The following STK36 variants were observed in gnomAD, a reference collection of about 807,000 sequenced individuals.
STK36 encodes the protein serine/threonine kinase 36.
STK36 carries 116 observed loss-of-function variants against 142.2 expected under a neutral mutation model. That is an observed-to-expected ratio of 0.82 (90% CI 0.70 to 0.95). The LOEUF is 0.95. STK36 is among the 40% of genes least tolerant of loss of function. STK36 has a pLI of 0.00. For missense variants in STK36, 1,422 were observed against 1,617.2 expected, an observed-to-expected ratio of 0.88 and a Z score of 2.07; for synonymous variants, 619 against 641.7, an observed-to-expected ratio of 0.96 and a Z score of 0.53.
chr2:218,691,741 A>G (rs910182097), intron 14 of STK36, among the ~76,000 whole-genome samples: 4 of 152,084 alleles, frequency 2.6e-5, no homozygotes, highest in African/African-American at 9.7e-5. Flanking sequence ...GATTTTTAGT[A>G]GAGACAGGGT....
Position 218,673,762 on chromosome 2 carries a change from A to G in STK36, c.222A>G (p.Lys74=). ...TGCTTGACAGCTTTGAAACTGATAAAGAGGTGTGCTTTGACAGTTTTGGGC... is the reference window on the plus strand; with the variant it reads ...TGCTTGACAGCTTTGAAACTGATAAGGAGGTGTGCTTTGACAGTTTTGGGC... ...VHMLDSFETD[K]EVVVVTDYAE... Residue 74 remains lysine, a synonymous_variant, in exon 3 of 27, where the codon AAA becomes AAG. Transcript: ENST00000295709. 6.2e-7 allele frequency: 1 copy of G among 1,613,978 alleles called. No homozygotes were observed. The highest frequency in any genetic ancestry group is 8.5e-7 in the Non-Finnish European group (1 of 1,179,912).
chr2:218,692,443 G>A, intron 15 of STK36, 140 bp from the exon 16 acceptor site: 1 of 1,490,914 alleles, frequency 6.7e-7, no homozygotes. Context: ...GGGGATCTGA[G>A]GGAAACAAAC....
chr2:218,695,088 C>T (rs761980919), intron 21 of STK36, among the ~76,000 whole-genome samples: 1 of 152,142 alleles, frequency 6.6e-6, no homozygotes, highest in African/African-American at 2.4e-5. Flanking sequence ...GGAACTCAGT[C>T]CATTATGTAG....
At chr2:218,682,591 A>T (rs905960265) in intron 10 of STK36, among the ~76,000 whole-genome samples, 4 of 151,420 alleles carry the variant, frequency 2.6e-5, no homozygotes, top group African/African-American at 9.7e-5. Context: ...ACCTTGCTTT[A>T]TTTATTTATT....
intron 7 of STK36, 115 bp downstream of exon 7, chr2:218,679,376 G>C: frequency 2.3e-6 from 3 of 1,296,110 alleles, no homozygotes; most frequent in Non-Finnish European, 3.3e-6. Context: ...CCAGCAGCTT[G>C]AACTTTCTTC....
intron 7 of STK36, 40 bp downstream of exon 7, chr2:218,679,301 T>C: frequency 6.3e-7 from 1 of 1,578,060 alleles, no homozygotes; most frequent in Non-Finnish European, 8.7e-7. Flanking sequence ...GACTTCCCAG[T>C]ACTTCCTCTA....
chr2:218,692,547 CA>C (rs1559340961), intron 15 of STK36, 35 bp from the exon 16 acceptor site: 1 of 1,590,976 alleles, frequency 6.3e-7, no homozygotes, highest in Non-Finnish European at 8.5e-7. Flanking sequence ...GCAAGAGCCT[CA>C]GGCCTTTGGA....
chr2:218,689,819 C>T (rs1446656235), intron 12 of STK36, 40 bp from the exon 13 acceptor site: 1 of 1,561,262 alleles, frequency 6.4e-7, no homozygotes, highest in Admixed American at 1.8e-5. Context: ...TGTTTCCATC[C>T]TTCACATTGC....
chr2:218,681,274 C>T (rs1485629019), intron 10 of STK36, among the ~76,000 whole-genome samples: 1 of 151,902 alleles, frequency 6.6e-6, no homozygotes. Context: ...TTACAGGTGC[C>T]CACCACCACA....
At chr2:218,699,919 T>G (rs889796843) in intron 26 of STK36, among the ~76,000 whole-genome samples, 1 of 151,990 alleles carries the variant, frequency 6.6e-6, no homozygotes, top group Admixed American at 6.6e-5. Flanking sequence ...TGCGCAACTT[T>G]CTTTTTCCTT....
Position 218,692,670 on chromosome 2 carries a change from C to G in STK36, c.2003C>G (p.Ala668Gly), listed in dbSNP as rs759376696. ...TCTGCCCTGGCAGCCATATGCACTG[C>G]TCCTGTGGGACTGCCCGACTGCTGG... Reference protein sequence around the residue: ...ISSALAAICTAPVGLPDCWDA... With the variant: ...ISSALAAICTGPVGLPDCWDA... Residue 668 changes from alanine to glycine, a missense_variant, in exon 16 of 27, where the codon GCT becomes GGT. Physicochemically the swap from Ala to Gly is moderately conservative, Grantham distance 60. Transcript: ENST00000295709. The G allele has an allele frequency of 1.2e-6, 2 of 1,613,580 alleles. No individual in the cohort carries two copies. The highest frequency in any genetic ancestry group is 1.3e-5 in the African/African-American group (1 of 75,070).
At chr2:218,697,015 G>T (rs199700551) in intron 22 of STK36, 24 bp from the exon 23 acceptor site, 51 of 1,612,096 alleles carry the variant, frequency 3.2e-5, no homozygotes, top group Non-Finnish European at 4.3e-5. Context: ...CTTTCCCCCC[G>T]CCCTCTTTCA....
chr2:218,698,767 C>A lies in STK36; in HGVS notation c.3223C>A (p.Pro1075Thr), dbSNP rs1466993939. The A allele has an allele frequency of 6.2e-7, 1 of 1,614,074 alleles. No individual in the cohort carries two copies. The highest frequency in any genetic ancestry group is 8.5e-7 in the Non-Finnish European group (1 of 1,180,048). ...FLSVALLSDQ[P>T]LLTSDLLSLL... Reference sequence around the variant, plus strand: ...CTCAGTTGCCCTCCTGAGTGACCAGCCACTGTTGACCTCCGACCTTCTCTC... The same window carrying A: ...CTCAGTTGCCCTCCTGAGTGACCAGACACTGTTGACCTCCGACCTTCTCTC... Residue 1075 changes from proline to threonine, a missense_variant, in exon 26 of 27, where the codon CCA (proline) becomes ACA (threonine). Pro to Thr is a conservative substitution (Grantham distance 38). Transcript: ENST00000295709.
At chr2:218,693,127 A>G (rs1941078843) in intron 16 of STK36, 113 bp from the exon 17 acceptor site, 2 of 873,742 alleles carry the variant, frequency 2.3e-6, no homozygotes. Context: ...TTTCTGGTGA[A>G]TGTGGGAAGA....
chr2:218,688,730 A>C lies in STK36; in HGVS notation c.1414A>C (p.Ile472Leu). 6.2e-7 allele frequency: 1 copy of C among 1,613,898 alleles called. No individual in the cohort carries two copies. Among genetic ancestry groups the C allele is most frequent in the South Asian group, 1.1e-5 (1 of 91,062 alleles). The change falls in exon 12 of 27, where the codon ATC becomes CTC. Residue 472 changes from isoleucine to leucine, a missense_variant. Ile to Leu is a conservative substitution (Grantham distance 5). Coordinates refer to ENST00000295709, the MANE Select transcript of STK36 (RefSeq NM_015690.5). The part of the protein sequence containing the change: ...LKGILEGASH[I>L]LPAFRVLSSL... ...AGGCATCTTGGAGGGTGCTTCCCAC[A>C]TCCTGCCTGCATTCCGGGTCCTGAG...
chr2:218,700,184 G>A (rs1396913509), intron 26 of STK36, among the ~76,000 whole-genome samples: 1 of 151,862 alleles, frequency 6.6e-6, no homozygotes, highest in Non-Finnish European at 1.5e-5. Flanking sequence ...GCCTCCCAGA[G>A]TGCTGGGATT....
intron 26 of STK36, among the ~76,000 whole-genome samples, chr2:218,701,141 T>TG (rs1941426455): frequency 1.3e-5 from 2 of 151,328 alleles, no homozygotes. Flanking sequence ...AAGATCTTTT[T>TG]TTTTTTTTTG....
Position 218,689,942 on chromosome 2 carries a change from C to T in STK36, c.1644C>T (p.Ser548=), listed in dbSNP as rs1456590100. 6.3e-7 allele frequency: 1 copy of T among 1,593,364 alleles called. No homozygotes were observed. ...YFACTFNLER[S]QTSDSLQVFQ... is the part of the protein sequence containing the mutation. The stretch of plus-strand genomic sequence containing the variant: ...CCTGTACCTTCAATCTGGAGAGGAG[C>T]CAGACAAGTGACAGGTAGGATAAGA... Residue 548 remains serine, a synonymous_variant, in exon 13 of 27, where the codon AGC becomes AGT. Coordinates refer to ENST00000295709, the MANE Select transcript of STK36 (RefSeq NM_015690.5).
intron 5 of STK36, 31 bp from the exon 6 acceptor site, chr2:218,675,998 C>T: frequency 2.5e-6 from 4 of 1,610,192 alleles, no homozygotes; most frequent in Non-Finnish European, 3.4e-6. Context: ...TATCTTTTCC[C>T]TTTCCATTTC....
Sources: allele counts gnomAD v4.1 joint callset (sites outside exome capture counted in the v4.1 genomes callset), GRCh38; gene constraint gnomAD v4.1.1; transcripts MANE v1.5; gene names NCBI Gene and HGNC (gene_info 2026-07-23, HGNC 2026-07-21).